Variants in WHRN observed in about 807,000 individuals in gnomAD.
The protein encoded by WHRN is whirlin.
A neutral mutation model predicts 68.3 loss-of-function variants in WHRN; 41 were observed. That is an observed-to-expected ratio of 0.60 (90% CI 0.47 to 0.78). The LOEUF is 0.78. WHRN is among the 30% of genes least tolerant of loss of function. The pLI is 0.00. For synonymous variants in WHRN, 560 were observed against 561.3 expected, an observed-to-expected ratio of 1.00 and a Z score of 0.03; for missense variants, 1,243 against 1,244.7, an observed-to-expected ratio of 1.00 and a Z score of 0.02.
intron 3 of WHRN, among the ~76,000 whole-genome samples, chr9:114,431,516 G>A (rs972074119): frequency 1.3e-5 from 2 of 152,168 alleles, no homozygotes; most frequent in African/African-American, 4.8e-5. Context: ...ACTGGCATGC[G>A]GGAGATGCTT....
At chr9:114,417,160 T>C (rs978607640) in intron 7 of WHRN, among the ~76,000 whole-genome samples, 3 of 152,186 alleles carry the variant, frequency 2.0e-5, no homozygotes, top group Admixed American at 6.5e-5. Context: ...AGTTTGTGAA[T>C]GGGGGAAAGC....
chr9:114,440,310 T>A (rs1427841618), intron 3 of WHRN, among the ~76,000 whole-genome samples: 2 of 152,344 alleles, frequency 1.3e-5, no homozygotes, highest in Admixed American at 6.5e-5. Flanking sequence ...AATCTTGGCT[T>A]GCTGCAACCT....
At chr9:114,466,444 G>A (rs755560523) in intron 2 of WHRN, 52 bp from the exon 3 acceptor site, 158 of 1,610,482 alleles carry the variant, frequency 9.8e-5, no homozygotes, top group Non-Finnish European at 1.3e-4. Context: ...CATCCCTTCC[G>A]GGGACAGCAG....
At chr9:114,502,882 AG>A (rs1339090151) in intron 1 of WHRN, among the ~76,000 whole-genome samples, 3 of 152,216 alleles carry the variant, frequency 2.0e-5, no homozygotes, top group African/African-American at 7.2e-5. Context: ...TGCTAAACAA[AG>A]GGAAAAGATT....
chr9:114,487,052 C>CAA (rs79611133), intron 1 of WHRN, among the ~76,000 whole-genome samples: 1 of 117,662 alleles, frequency 8.5e-6, no homozygotes, highest in African/African-American at 3.7e-5. Context: ...TAAGAGATAC[C>CAA]AAAAAAAAAA....
chr9:114,499,086 T>C (rs1843705645), intron 1 of WHRN, among the ~76,000 whole-genome samples: 1 of 152,242 alleles, frequency 6.6e-6, no homozygotes, highest in Non-Finnish European at 1.5e-5. Flanking sequence ...CTGTATCTTC[T>C]GTTCAATTTT....
chr9:114,424,476 A>T lies in WHRN; in HGVS notation c.1274T>A (p.Leu425Gln). ...LSSLGNQTRV[L>Q]LEEQARHLLN... ...CAGGTGCCGAGCCTGCTCCTCCAGC[A>T]GCACTCGTGTCTGGTTCCCCAGGCT... Residue 425 changes from leucine (L) to glutamine (Q), a missense_variant, in exon 6 of 12, where the codon CTG (leucine) becomes CAG (glutamine). Physicochemically the swap from Leu to Gln is moderately radical, Grantham distance 113. Coordinates refer to ENST00000362057, the MANE Select transcript of WHRN (RefSeq NM_015404.4). The T allele has an allele frequency of 6.2e-7, 1 of 1,614,058 alleles. No homozygotes were observed. The highest frequency in any genetic ancestry group is 8.5e-7 in the Non-Finnish European group (1 of 1,180,000).
intron 2 of WHRN, among the ~76,000 whole-genome samples, chr9:114,470,635 G>C (rs1841130632): frequency 6.6e-6 from 1 of 152,180 alleles, no homozygotes; most frequent in South Asian, 2.1e-4. Flanking sequence ...ATCAGGGACA[G>C]AACAGAGAGG....
chr9:114,403,013 C>T (rs974584875), intron 11 of WHRN, 77 bp from the exon 12 acceptor site: 1 of 1,548,644 alleles, frequency 6.5e-7, no homozygotes, highest in South Asian at 1.2e-5. Context: ...TGGGTCAGTC[C>T]CAACACTGCC....
At chr9:114,466,759 G>A (rs991923779) in intron 2 of WHRN, among the ~76,000 whole-genome samples, 14 of 152,106 alleles carry the variant, frequency 9.2e-5, no homozygotes, top group Non-Finnish European at 1.8e-4. Context: ...CTTCAGTCGG[G>A]GGGTGACTGT....
At chr9:114,410,142 C>T (rs1427421444) in intron 7 of WHRN, among the ~76,000 whole-genome samples, 1 of 152,160 alleles carries the variant, frequency 6.6e-6, no homozygotes, top group Non-Finnish European at 1.5e-5. Flanking sequence ...CAGAGAAGCC[C>T]TGTCTAAAAC....
intron 1 of WHRN, among the ~76,000 whole-genome samples, chr9:114,499,582 C>T (rs1034634073): frequency 3.3e-5 from 5 of 152,176 alleles, no homozygotes; most frequent in African/African-American, 7.2e-5. Context: ...CCCCTATGGA[C>T]GCCTGCTTCG....
intron 3 of WHRN, among the ~76,000 whole-genome samples, chr9:114,456,308 CG>C (rs1405761267): frequency 6.6e-6 from 1 of 152,038 alleles, no homozygotes; most frequent in Admixed American, 6.6e-5. Flanking sequence ...GGAGGGGGCA[CG>C]TGTCGGGCAC....
At chr9:114,499,940 T>C (rs1843783401) in intron 1 of WHRN, among the ~76,000 whole-genome samples, 2 of 151,448 alleles carry the variant, frequency 1.3e-5, no homozygotes, top group South Asian at 2.1e-4. Flanking sequence ...ATGTCCAGCT[T>C]CAAGTCAGGA....
In WHRN at chr9:114,504,236, A is replaced by C; in HGVS notation, c.566T>G (p.Leu189Arg). Residue 189 changes from leucine (L) to arginine (R), a missense_variant, in exon 1 of 12, where the codon CTG becomes CGG. Leu to Arg is a moderately radical substitution (Grantham distance 102, BLOSUM62 -2). Coordinates refer to ENST00000362057, the MANE Select transcript of WHRN (RefSeq NM_015404.4). The part of the protein sequence containing the change: ...KEGLRVGDQI[L>R]RVNDKSLARV... ...GGCCAGGGATTTGTCGTTGACGCGC[A>C]GAATCTGGTCCCCGACCCGCAGTCC... is the stretch of plus-strand genomic sequence containing the variant. 6.2e-7 allele frequency: 1 copy of C among 1,614,148 alleles called. No homozygotes were observed. Among genetic ancestry groups the C allele is most frequent in the Non-Finnish European group, 8.5e-7 (1 of 1,180,024 alleles).
At chr9:114,440,970 A>G (rs959866444) in intron 3 of WHRN, among the ~76,000 whole-genome samples, 1 of 152,246 alleles carries the variant, frequency 6.6e-6, no homozygotes, top group Non-Finnish European at 1.5e-5. Context: ...TCATGACATT[A>G]TAAGAAAAAG....
At chr9:114,440,114 T>C (rs954222511) in intron 3 of WHRN, among the ~76,000 whole-genome samples, 9 of 152,354 alleles carry the variant, frequency 5.9e-5, no homozygotes, top group Non-Finnish European at 1.0e-4. Flanking sequence ...GGTTTTACCA[T>C]GTTGGCCAGG....
chr9:114,499,038 TG>T (rs1256950121), intron 1 of WHRN, among the ~76,000 whole-genome samples: 2 of 152,240 alleles, frequency 1.3e-5, no homozygotes, highest in African/African-American at 4.8e-5. Flanking sequence ...TTGTTGATAA[TG>T]GGGGCGGCTA....
chr9:114,501,763 A>C (rs1261979715), intron 1 of WHRN, among the ~76,000 whole-genome samples: 2 of 152,244 alleles, frequency 1.3e-5, no homozygotes, highest in Non-Finnish European at 2.9e-5. Flanking sequence ...TGAAGTCTGA[A>C]GTCCAGTTAA....
Sources: gnomAD v4.1 joint callset for allele counts (sites outside exome capture counted in the v4.1 genomes callset) on GRCh38, gnomAD v4.1.1 for gene constraint, MANE v1.5 for transcripts, NCBI Gene and HGNC (gene_info 2026-07-23, HGNC 2026-07-21) for gene names.